RCOR3: variants seen among roughly 807,000 people sequenced by gnomAD.
RCOR3 encodes REST corepressor 3.
RCOR3 carries 13 observed loss-of-function variants against 64.1 expected under a neutral mutation model. The observed-to-expected ratio is 0.20, with a 90% CI of 0.13 to 0.32. The LOEUF (loss-of-function observed/expected upper bound fraction) is 0.32, where lower values mean the gene tolerates loss of function less well. Ranked by LOEUF, RCOR3 falls within the 10% of genes least tolerant of loss-of-function variation. RCOR3 has a pLI of 1.00. For synonymous variants in RCOR3, 215 were observed against 239.0 expected (o/e 0.90, Z 0.93); for missense variants, 489 against 701.2 (o/e 0.70, Z 3.42).
At chr1:211,294,934 T>C (rs185137748) in intron 8 of RCOR3, among the ~76,000 whole-genome samples, 31 of 151,982 alleles carry the variant, frequency 2.0e-4, no homozygotes, top group African/African-American at 6.0e-4. Context: ...CTAGAGTGCA[T>C]TGGCATAATC....
intron 5 of RCOR3, among the ~76,000 whole-genome samples, chr1:211,276,971 A>T (rs1300727568): frequency 6.6e-6 from 1 of 151,942 alleles, no homozygotes; most frequent in Non-Finnish European, 1.5e-5. Context: ...CTGTAGCCCC[A>T]GCTACTTGGG....
intron 8 of RCOR3, among the ~76,000 whole-genome samples, chr1:211,290,930 T>C (rs1399696672): frequency 1.3e-5 from 2 of 152,126 alleles, no homozygotes; most frequent in Non-Finnish European, 2.9e-5. Context: ...CATATTTACA[T>C]TTTCCAGCTA....
At chr1:211,280,723 C>T (rs190493878) in intron 7 of RCOR3, among the ~76,000 whole-genome samples, 3 of 152,324 alleles carry the variant, frequency 2.0e-5, no homozygotes, top group African/African-American at 7.2e-5. Context: ...GTGGCTCACG[C>T]CTGTAATCCT....
chr1:211,293,637 T>A (rs1461306437), intron 8 of RCOR3, among the ~76,000 whole-genome samples: 2 of 152,236 alleles, frequency 1.3e-5, no homozygotes, highest in African/African-American at 4.8e-5. Flanking sequence ...ATGTTAGGTG[T>A]TTTAGCGTTT....
chr1:211,294,017 C>T (rs902440550), intron 8 of RCOR3, among the ~76,000 whole-genome samples: 1 of 152,140 alleles, frequency 6.6e-6, no homozygotes, highest in Admixed American at 6.5e-5. Context: ...GCCTTATATT[C>T]CTCATCTGTA....
At chr1:211,307,123 C>G (rs1700922338) in intron 10 of RCOR3, among the ~76,000 whole-genome samples, 1 of 151,964 alleles carries the variant, frequency 6.6e-6, no homozygotes, top group Non-Finnish European at 1.5e-5. Flanking sequence ...TTTTTCTAAC[C>G]TATAATGCTT....
At chr1:211,270,038 A>G (rs1392893321) in intron 2 of RCOR3, among the ~76,000 whole-genome samples, 2 of 150,564 alleles carry the variant, frequency 1.3e-5, no homozygotes, top group African/African-American at 4.9e-5. Context: ...TATATTAAGA[A>G]GAAGTTGCGT....
chr1:211,315,836 T>C lies in RCOR3; in HGVS notation c.*2068T>C, dbSNP rs1701836958. The C allele has an allele frequency of 6.6e-6, 1 of 152,222 alleles. No homozygotes were observed. Among genetic ancestry groups the C allele is most frequent in the East Asian group, 1.9e-4 (1 of 5,204 alleles). The allele number at this position is 152,222 out of a possible 1,614,324, so 9.4% of individuals were successfully genotyped here. Reference sequence around the variant, plus strand: ...GATTTACATGCATTAGAGCACACAGTAGAAAAACTTTAGCTTCATTAGTAA... The same window carrying C: ...GATTTACATGCATTAGAGCACACAGCAGAAAAACTTTAGCTTCATTAGTAA... On this transcript the variant is annotated 3_prime_UTR_variant, in exon 12 of 12. Transcript: ENST00000419091.
Position 211,259,726 on chromosome 1 carries a change from G to C in RCOR3, c.166G>C (p.Asp56His). 6.7e-7 allele frequency: 1 copy of C among 1,500,554 alleles called. No homozygotes were observed. Among genetic ancestry groups the C allele is most frequent in the Non-Finnish European group, 8.9e-7 (1 of 1,124,424 alleles). The allele number at this position is 1,500,554 out of a possible 1,614,324, so 93.0% of individuals were successfully genotyped here. A position where few individuals can be genotyped will look rare whatever the true frequency, so the allele number is the denominator to read the frequency against. Residue 56 changes from aspartate to histidine, a missense_variant and splice_region_variant, in exon 1 of 12, where the codon GAT becomes CAT. Transcript: ENST00000419091. ...CGGCTGCAGCAGCGACGACGAGCAC[G>C]GTGGTAGCCTCGAACTCCTCCCCGC... is the stretch of plus-strand genomic sequence containing the variant. ...ESGCSSDDEHDVGMRVGAEYQ... is the reference protein window; with the variant it reads ...ESGCSSDDEHHVGMRVGAEYQ...
At chr1:211,280,293 C>T (rs974161562) in intron 7 of RCOR3, among the ~76,000 whole-genome samples, 2 of 152,198 alleles carry the variant, frequency 1.3e-5, no homozygotes, top group Non-Finnish European at 2.9e-5. Context: ...AGCCCTTCCT[C>T]TAACCTCTGT....
intron 4 of RCOR3, among the ~76,000 whole-genome samples, chr1:211,276,000 C>T (rs992141154): frequency 2.0e-4 from 30 of 152,260 alleles, no homozygotes; most frequent in African/African-American, 6.3e-4. Context: ...TAGTCACTCT[C>T]CTCAGCTCAC....
At chr1:211,271,741 G>A in intron 3 of RCOR3, 1 of 297,514 alleles carries the variant, frequency 3.4e-6, no homozygotes, top group Non-Finnish European at 6.8e-6. Flanking sequence ...GGTCATCTTT[G>A]TGCTCTCCAT....
chr1:211,291,570 G>A (rs1249992472), intron 8 of RCOR3: 2 of 456,202 alleles, frequency 4.4e-6, no homozygotes, highest in East Asian at 1.4e-4. Context: ...CTGCGGATAT[G>A]GGAGGACTAC....
chr1:211,304,970 A>G (rs1036913380), intron 10 of RCOR3, among the ~76,000 whole-genome samples: 2 of 151,986 alleles, frequency 1.3e-5, no homozygotes, highest in African/African-American at 4.8e-5. Context: ...GAGTGCTAAT[A>G]GCTTTTTTTT....
At chr1:211,308,698 T>TGTG (rs1336986082) in intron 10 of RCOR3, among the ~76,000 whole-genome samples, 35 of 40,866 alleles carry the variant, frequency 8.6e-4, no homozygotes, top group African/African-American at 2.1e-3. Flanking sequence ...TTTTTTTTTT[T>TGTG]TGTGTAGTCC....
Position 211,313,760 on chromosome 1 carries a change from C to T in RCOR3, c.1654C>T (p.Leu552=). Residue 552 remains leucine (L), a synonymous_variant, in exon 12 of 12, where the codon CTG becomes TTG. Transcript: ENST00000419091. This position sits in a 1 kb window ranked among gnomAD's most constrained non-coding sequence, Gnocchi z 4.7. ...AATTCAGACAGATTCACAGTCCTCA[C>T]TGCACTAAAAATTAAATTGGACACA... ...IGIQTDSQSS[L]H is the part of the protein sequence containing the mutation. The T allele has an allele frequency of 1.2e-6, 2 of 1,612,744 alleles. No individual in the cohort carries two copies. Among genetic ancestry groups the T allele is most frequent in the Non-Finnish European group, 1.7e-6 (2 of 1,178,776 alleles).
chr1:211,307,094 C>T (rs1046662431), intron 10 of RCOR3, among the ~76,000 whole-genome samples: 1 of 152,074 alleles, frequency 6.6e-6, no homozygotes, highest in African/African-American at 2.4e-5. Context: ...CTGTTTGTAG[C>T]TTATACATAT....
intron 2 of RCOR3, among the ~76,000 whole-genome samples, chr1:211,269,142 A>G (rs1352406838): frequency 1.3e-5 from 2 of 151,204 alleles, no homozygotes; most frequent in Non-Finnish European, 2.9e-5. Flanking sequence ...AATTCTGGCT[A>G]TTAATGGTAA....
chr1:211,313,016 G>A lies in RCOR3; in HGVS notation c.1317+55G>A, dbSNP rs773477810. The A allele has an allele frequency of 2.4e-5, 39 of 1,610,970 alleles. No individual in the cohort carries two copies. In the African/African-American group the frequency reaches 3.3e-4, roughly 14 times the overall value. On this transcript the variant is annotated intron_variant, in intron 11 of 11. Coordinates refer to ENST00000419091, the MANE Select transcript of RCOR3 (RefSeq NM_001136223.3). The surrounding 1 kb of genome is among the most constrained non-coding windows in gnomAD (Gnocchi z 4.7). ...ATGAGTTGAGGAATCACCATTTTGTGTGGTATTCTGTAAGGTTAATTTGTC... is the reference window on the plus strand; with the variant it reads ...ATGAGTTGAGGAATCACCATTTTGTATGGTATTCTGTAAGGTTAATTTGTC...
Sources: gnomAD v4.1 joint callset for allele counts (sites outside exome capture counted in the v4.1 genomes callset) on GRCh38, gnomAD v4.1.1 for gene constraint, Gnocchi (gnomAD v3.1) non-coding constraint, MANE v1.5 for transcripts, NCBI Gene and HGNC (gene_info 2026-07-23, HGNC 2026-07-21) for gene names.